Variants in GTF2IRD2 observed in about 807,000 individuals in gnomAD.
GTF2IRD2 encodes the protein GTF2I repeat domain containing 2, also known as general transcription factor II-I repeat domain-containing protein 2A.
A neutral mutation model predicts 49.2 loss-of-function variants in GTF2IRD2; 8 were observed. The ratio of observed to expected loss-of-function variants is 0.16; its 90% CI spans 0.10 to 0.29. The LOEUF is 0.29. Among genes scored for constraint, GTF2IRD2 ranks in the 10% least tolerant of loss-of-function variants. GTF2IRD2 has a pLI of 1.00. For missense variants in GTF2IRD2, 130 were observed against 725.7 expected (o/e 0.18, Z 9.43); for synonymous variants, 47 against 289.7 (o/e 0.16, Z 8.51).
At position 74,797,643 on chromosome 7, in the gene GTF2IRD2, C is replaced by T. The variant is rs781942829; in HGVS notation, c.1869G>A (p.Ala623=). ...CAAGCCCGTTATTGGCATCCACCAT[C>T]GCTGGGGTGCCAGTGGAGGCCACGC... ...LVSVASTGTP[A]MVDANNGLVT... The change falls in exon 16 of 16, where the codon GCG becomes GCA. Residue 623 remains alanine (A), a synonymous_variant. Coordinates refer to ENST00000451013, the MANE Select transcript of GTF2IRD2 (RefSeq NM_173537.5). 2.5e-6 allele frequency: 4 copies of T among 1,605,920 alleles called. No individual in the cohort carries two copies. The South Asian group carries it at 4.4e-5, about 18-fold the overall frequency.
intron 1 of GTF2IRD2, among the ~76,000 whole-genome samples, chr7:74,836,768 G>A (rs1401224505): frequency 2.6e-5 from 4 of 151,832 alleles, no homozygotes; most frequent in African/African-American, 9.7e-5. Context: ...GTTTTGCCAT[G>A]TTACCTAGGC....
intron 1 of GTF2IRD2, among the ~76,000 whole-genome samples, chr7:74,842,819 G>A (rs1800965013): frequency 1.4e-5 from 2 of 145,604 alleles, no homozygotes; most frequent in Admixed American, 1.4e-4. Context: ...CTCCCAGAGT[G>A]TTGGGATTAC....
intron 3 of GTF2IRD2, among the ~76,000 whole-genome samples, chr7:74,826,963 G>A (rs2529252): frequency 2.0e-5 from 3 of 151,928 alleles, no homozygotes; most frequent in African/African-American, 7.2e-5. Context: ...CCATCGCCTC[G>A]GCCTCCCAAA....
rs1376388565 is a variant in GTF2IRD2 at position 74,823,997 on chromosome 7, AC to A, written c.358+935del. Among the ~76,000 whole-genome samples the A allele has an allele frequency of 5.7e-5, 6 of 105,984 alleles. No individual in the cohort carries two copies. In the South Asian group the frequency reaches 2.5e-3, roughly 44 times the overall value. 69.5% of individuals were successfully genotyped at this position (105,984 alleles called of 152,430 possible). A position where few individuals can be genotyped will look rare whatever the true frequency, so the allele number is the denominator to read the frequency against. Reference sequence around the variant, plus strand: ...GCTAACACAATGAAACCCCGTCTCTACCAAAAAATACAAAAAAAGTTAGCCG... The same window carrying A: ...GCTAACACAATGAAACCCCGTCTCTACAAAAAATACAAAAAAAGTTAGCCG... On this transcript the variant is annotated intron_variant, in intron 4 of 15. Transcript: ENST00000451013.
Position 74,822,819 on chromosome 7 carries a change from C to CG in GTF2IRD2, c.359-13dup. On this transcript the variant is annotated splice_polypyrimidine_tract_variant and intron_variant, in intron 4 of 15. Coordinates refer to ENST00000451013, the MANE Select transcript of GTF2IRD2 (RefSeq NM_173537.5). Reference sequence around the variant, plus strand: ...CCCTAAGGCTTTACCTACAAGAAGACGCAAACGTCTTTGGATGGTGTGAAC... The same window carrying CG: ...CCCTAAGGCTTTACCTACAAGAAGACGGCAAACGTCTTTGGATGGTGTGAAC... 6.5e-7 allele frequency: 1 copy of CG among 1,548,690 alleles called. No individual in the cohort carries two copies. The highest frequency in any genetic ancestry group is 8.7e-7 in the Non-Finnish European group (1 of 1,154,082).
chr7:74,815,844 AAG>A (rs1322106619), intron 8 of GTF2IRD2, among the ~76,000 whole-genome samples: 2 of 108,506 alleles, frequency 1.8e-5, no homozygotes, highest in African/African-American at 3.7e-5. Flanking sequence ...GAAAGAAAGA[AAG>A]AAAGAAAGAA....
At chr7:74,818,261 A>C (rs1254791270) in intron 8 of GTF2IRD2, among the ~76,000 whole-genome samples, 1 of 54,132 alleles carries the variant, frequency 1.8e-5, no homozygotes, top group African/African-American at 8.9e-5. Context: ...GCAGTAGTAT[A>C]TGTCCAAAAA....
intron 4 of GTF2IRD2, 70 bp downstream of exon 4, chr7:74,824,863 G>A (rs1799233117): frequency 1.5e-6 from 1 of 688,700 alleles, no homozygotes; most frequent in Admixed American, 5.6e-5. Flanking sequence ...CTGCACTCCA[G>A]CCTGGGTGGC....
Position 74,822,297 on chromosome 7 carries a change from G to A in GTF2IRD2, c.571+130C>T, listed in dbSNP as rs1798975402. 33 of 1,267,350 alleles carry A rather than the reference G, an allele frequency of 2.6e-5. No homozygotes were observed. In the South Asian group the frequency reaches 3.9e-4, roughly 15 times the overall value. The allele number at this position is 1,267,350 out of a possible 1,614,324, so 78.5% of individuals were successfully genotyped here. ...ATCTCCTGACCTTTGTGATCCACCT[G>A]CCTCAGCCTCCCAAAGTGCTGGGAT... On this transcript the variant is annotated intron_variant, in intron 6 of 15. Transcript: ENST00000451013.
At chr7:74,831,170 T>C (rs1348316655) in intron 3 of GTF2IRD2, among the ~76,000 whole-genome samples, 2 of 151,020 alleles carry the variant, frequency 1.3e-5, no homozygotes, top group Non-Finnish European at 3.0e-5. Context: ...TAAATTTGAA[T>C]CAATCTATCA....
intron 1 of GTF2IRD2, among the ~76,000 whole-genome samples, chr7:74,840,067 C>T (rs1554421572): frequency 2.3e-4 from 16 of 70,138 alleles, no homozygotes; most frequent in South Asian, 6.5e-4. Flanking sequence ...GGTCCTATGT[C>T]TTTTTTTTTT....
At chr7:74,805,965 G>A (rs1797705150) in intron 12 of GTF2IRD2, among the ~76,000 whole-genome samples, 1 of 53,640 alleles carries the variant, frequency 1.9e-5, no homozygotes, top group Non-Finnish European at 3.9e-5. Context: ...TCACTGTGCT[G>A]TGCAGGCTGG....
Position 74,819,951 on chromosome 7 carries a change from CT to C in GTF2IRD2, c.626+17del. The stretch of plus-strand genomic sequence containing the variant: ...TGTGCATAGTTGTGGATTTTGGTTG[CT>C]GTGATTTATCTTTTACCTTTCACTT... On this transcript the variant is annotated intron_variant, in intron 7 of 15. Coordinates refer to ENST00000451013, the MANE Select transcript of GTF2IRD2 (RefSeq NM_173537.5). 2 of 1,602,012 alleles carry C rather than the reference CT, an allele frequency of 1.2e-6. No individual in the cohort carries two copies. The highest frequency in any genetic ancestry group is 2.2e-5 in the South Asian group (2 of 90,750).
In GTF2IRD2 at chr7:74,836,211, G is replaced by A. The variant is rs1422536673; in HGVS notation, c.99+69C>T. On this transcript the variant is annotated intron_variant, in intron 2 of 15. Transcript: ENST00000451013. ...AAAAAAACAAAAGGGATACTGAAGT[G>A]TTTCATGATTCTGTCATTTCGACAA... 5 of 1,577,674 alleles carry A rather than the reference G, an allele frequency of 3.2e-6. 1 individual carries two copies. In the African/African-American group the frequency reaches 6.7e-5, roughly 21 times the overall value.
intron 6 of GTF2IRD2, 85 bp downstream of exon 6, chr7:74,822,342 G>T: frequency 3.0e-6 from 2 of 673,476 alleles, no homozygotes; most frequent in South Asian, 1.6e-5. Flanking sequence ...GAGCCATCAC[G>T]CCCGGCCCCC....
intron 10 of GTF2IRD2, among the ~76,000 whole-genome samples, chr7:74,809,804 T>C (rs1428904302): frequency 3.7e-5 from 5 of 134,882 alleles, no homozygotes; most frequent in African/African-American, 7.8e-5. Flanking sequence ...TTATTATTAT[T>C]ATCATTATTG....
intron 8 of GTF2IRD2, among the ~76,000 whole-genome samples, chr7:74,815,866 G>GAAAGAA (rs1328337117): frequency 7.2e-5 from 6 of 83,430 alleles, no homozygotes; most frequent in African/African-American, 1.5e-4. Flanking sequence ...AAGAAAGAAA[G>GAAAGAA]AGAAAATAAA....
chr7:74,841,063 G>T (rs1295473983), intron 1 of GTF2IRD2, among the ~76,000 whole-genome samples: 1 of 133,766 alleles, frequency 7.5e-6, no homozygotes, highest in African/African-American at 3.2e-5. Flanking sequence ...TGGCCAGGCC[G>T]GTCTTGAACT....
At chr7:74,815,588 TA>T (rs1165406768) in intron 8 of GTF2IRD2, among the ~76,000 whole-genome samples, 1 of 100,568 alleles carries the variant, frequency 9.9e-6, no homozygotes, top group Non-Finnish European at 2.2e-5. Flanking sequence ...CTGTCTCTAC[TA>T]AAATACAAAA....
Sources: allele counts gnomAD v4.1 joint callset (sites outside exome capture counted in the v4.1 genomes callset), GRCh38; gene constraint gnomAD v4.1.1; transcripts MANE v1.5; gene names NCBI Gene and HGNC (gene_info 2026-07-23, HGNC 2026-07-21).